The following COX6C variants were observed in gnomAD, a reference collection of about 807,000 sequenced individuals.
COX6C encodes the protein cytochrome c oxidase polypeptide VIc.
In COX6C, 3 loss-of-function variants were observed where a neutral mutation model predicts 6.9. That is an observed-to-expected ratio of 0.43 (90% CI 0.20 to 1.12). The LOEUF (loss-of-function observed/expected upper bound fraction) is 1.12. COX6C is among the 50% of genes most tolerant of loss of function. The probability of loss-of-function intolerance (pLI) is 0.27; values close to 1 mark genes in which losing one functional copy is unlikely to be tolerated. For synonymous variants in COX6C, 32 were observed against 32.0 expected, an observed-to-expected ratio of 1.00 and a Z score of 0.00; for missense variants, 101 against 97.3, an observed-to-expected ratio of 1.04 and a Z score of -0.16.
intron 3 of COX6C, among the ~76,000 whole-genome samples, chr8:99,881,673 TAA>T (rs1460951585): frequency 1.3e-5 from 2 of 151,866 alleles, no homozygotes; most frequent in South Asian, 2.1e-4. Flanking sequence ...CACTATAAAA[TAA>T]AAGAGTGAGG....
At chr8:99,880,414 T>C (rs1256209805) in intron 3 of COX6C, among the ~76,000 whole-genome samples, 2 of 152,032 alleles carry the variant, frequency 1.3e-5, no homozygotes, top group Non-Finnish European at 2.9e-5. Context: ...CAAGTGAGAA[T>C]ATAAACAAAG....
intron 3 of COX6C, among the ~76,000 whole-genome samples, chr8:99,883,710 C>T (rs1261351533): frequency 2.6e-5 from 4 of 152,020 alleles, no homozygotes; most frequent in East Asian, 1.9e-4. Context: ...ATATCAAAGA[C>T]AAACACACGA....
At chr8:99,890,580 C>T (rs1039549938) in intron 2 of COX6C, among the ~76,000 whole-genome samples, 4 of 152,086 alleles carry the variant, frequency 2.6e-5, no homozygotes, top group African/African-American at 7.2e-5. Context: ...CAACAGGGTG[C>T]CACAGTAAAC....
chr8:99,887,399 A>G (rs1749325717), intron 3 of COX6C, 91 bp downstream of exon 3: 1 of 636,996 alleles, frequency 1.6e-6, no homozygotes. Context: ...AAAAAATCTT[A>G]AGTCTAAACA....
chr8:99,884,469 ATAC>A (rs1380145707), intron 3 of COX6C, among the ~76,000 whole-genome samples: 11 of 152,258 alleles, frequency 7.2e-5, no homozygotes, highest in Non-Finnish European at 1.3e-4. Flanking sequence ...ATATACCTGT[ATAC>A]TGCTAAAAAA....
intron 2 of COX6C, among the ~76,000 whole-genome samples, chr8:99,888,553 G>A (rs1025421407): frequency 6.6e-6 from 1 of 152,196 alleles, no homozygotes; most frequent in Non-Finnish European, 1.5e-5. Flanking sequence ...TAGCCTGGGT[G>A]ACAGAGCAAG....
Position 99,892,044 on chromosome 8 carries a change from T to C in COX6C, c.-23A>G, listed in dbSNP as rs767279026. The stretch of plus-strand genomic sequence containing the variant: ...CATGGTAGTTACTGTCCTTGATACG[T>C]ATGCTAACCTTAAGAGATTCAGAAA... On this transcript the variant is annotated 5_prime_UTR_variant, in exon 2 of 4. It adds an upstream start codon to the 5' untranslated region. Transcript: ENST00000520468. 1 of 1,548,416 alleles carries C rather than the reference T, an allele frequency of 6.5e-7. No individual in the cohort carries two copies. Among genetic ancestry groups the C allele is most frequent in the Non-Finnish European group, 8.8e-7 (1 of 1,132,208 alleles).
chr8:99,881,841 G>C (rs1817870210), intron 3 of COX6C, among the ~76,000 whole-genome samples: 1 of 152,186 alleles, frequency 6.6e-6, no homozygotes. Flanking sequence ...ATTATATGCT[G>C]TCTACAAGAG....
At chr8:99,882,495 A>G (rs1817879521) in intron 3 of COX6C, among the ~76,000 whole-genome samples, 1 of 152,184 alleles carries the variant, frequency 6.6e-6, no homozygotes, top group Non-Finnish European at 1.5e-5. Context: ...AAGAAATTAC[A>G]AGGAAATTTT....
intron 3 of COX6C, among the ~76,000 whole-genome samples, chr8:99,880,735 GA>G (rs959934005): frequency 1.7e-4 from 25 of 144,624 alleles, no homozygotes; most frequent in African/African-American, 4.8e-4. Context: ...AGTCTGAAGA[GA>G]AAAAAAAAAG....
intron 1 of COX6C, among the ~76,000 whole-genome samples, chr8:99,892,526 C>A (rs1450933037): frequency 6.6e-6 from 1 of 151,970 alleles, no homozygotes; most frequent in Non-Finnish European, 1.5e-5. Flanking sequence ...TTTTCCCTTT[C>A]TCGGGTAAAA....
chr8:99,891,506 TGAAAA>T (rs1818031616), intron 2 of COX6C, among the ~76,000 whole-genome samples: 1 of 145,418 alleles, frequency 6.9e-6, no homozygotes, highest in Admixed American at 6.8e-5. Context: ...GGAAAGAAAA[TGAAAA>T]GAAGGGCAGA....
At chr8:99,891,812 A>G in intron 2 of COX6C, 96 bp downstream of exon 2, 1 of 1,063,710 alleles carries the variant, frequency 9.4e-7, no homozygotes, top group Non-Finnish European at 1.4e-6. Flanking sequence ...AAAGGGTTAG[A>G]AAGAAACACA....
At chr8:99,880,320 C>T (rs1322158827) in intron 3 of COX6C, among the ~76,000 whole-genome samples, 1 of 152,170 alleles carries the variant, frequency 6.6e-6, no homozygotes, top group African/African-American at 2.4e-5. Flanking sequence ...TCTATAAAAC[C>T]TTAAGAACAA....
chr8:99,887,388 C>A, intron 3 of COX6C, 102 bp downstream of exon 3: 1 of 598,248 alleles, frequency 1.7e-6, no homozygotes, highest in Non-Finnish European at 2.7e-6. Context: ...ATCGTAAAGT[C>A]AAAAAATCTT....
Position 99,877,952 on chromosome 8 carries a change from T to C in COX6C, c.*329A>G, listed in dbSNP as rs1324313575. On this transcript the variant is annotated 3_prime_UTR_variant, in exon 4 of 4. Coordinates refer to ENST00000520468, the MANE Select transcript of COX6C (RefSeq NM_004374.4). Reference sequence around the variant, plus strand: ...CTTACAGGCTCATGAAGAACACTTTTTAATCCATAGCCCAAGACCAAGTAA... The same window carrying C: ...CTTACAGGCTCATGAAGAACACTTTCTAATCCATAGCCCAAGACCAAGTAA... The C allele has an allele frequency of 3.3e-5, 5 of 152,202 alleles. No homozygotes were observed. Among genetic ancestry groups the C allele is most frequent in the Non-Finnish European group, 5.9e-5 (4 of 68,040 alleles). 9.4% of individuals were successfully genotyped at this position (152,202 alleles called of 1,614,324 possible).
intron 3 of COX6C, among the ~76,000 whole-genome samples, chr8:99,885,500 T>C (rs1817932187): frequency 6.6e-6 from 1 of 152,070 alleles, no homozygotes; most frequent in South Asian, 2.1e-4. Context: ...AGCCCAGAAA[T>C]AAACTCTCGC....
At chr8:99,893,576 G>A (rs1472086208) in intron 1 of COX6C, 63 bp downstream of exon 1, 2 of 152,396 alleles carry the variant, frequency 1.3e-5, no homozygotes, top group Admixed American at 6.5e-5. Flanking sequence ...GAGAGAAAGC[G>A]GGAGGGTGCC....
intron 2 of COX6C, among the ~76,000 whole-genome samples, chr8:99,891,411 A>G (rs1002918897): frequency 8.5e-5 from 13 of 152,170 alleles, no homozygotes; most frequent in African/African-American, 3.1e-4. Flanking sequence ...TATAAAAATT[A>G]GCCAGTTCCG....
Sources: allele counts gnomAD v4.1 joint callset (sites outside exome capture counted in the v4.1 genomes callset), GRCh38; gene constraint gnomAD v4.1.1; transcripts MANE v1.5; gene names NCBI Gene and HGNC (gene_info 2026-07-23, HGNC 2026-07-21).